The following FRMD4A variants were observed in gnomAD, a reference collection of about 807,000 sequenced individuals.
FRMD4A encodes the protein FERM domain containing 4A.
In FRMD4A, 29 loss-of-function variants were observed where a neutral mutation model predicts 129.1. The ratio of observed to expected loss-of-function variants is 0.22; its 90% confidence interval spans 0.17 to 0.31. FRMD4A has a LOEUF of 0.31. FRMD4A is among the 10% of genes least tolerant of loss of function. The pLI is 1.00. For missense variants in FRMD4A, 1,272 were observed against 1,375.8 expected, an observed-to-expected ratio of 0.92 and a Z score of 1.19; for synonymous variants, 634 against 571.6, an observed-to-expected ratio of 1.11 and a Z score of -1.56.
chr10:13,946,228 T>C (rs770308288), intron 2 of FRMD4A, among the ~76,000 whole-genome samples: 1 of 152,218 alleles, frequency 6.6e-6, no homozygotes, highest in Non-Finnish European at 1.5e-5. Context: ...TGAACTCTGC[T>C]GGACTCTTTA....
chr10:13,737,503 A>G (rs2090707798), intron 12 of FRMD4A, among the ~76,000 whole-genome samples: 1 of 152,288 alleles, frequency 6.6e-6, no homozygotes, highest in Non-Finnish European at 1.5e-5. Flanking sequence ...GAGAAATGTT[A>G]CATCATTTTT....
chr10:13,955,130 C>T (rs113505237), intron 2 of FRMD4A, among the ~76,000 whole-genome samples: 1,664 of 12,572 alleles, frequency 0.13, 54 homozygotes, highest in African/African-American at 0.4. Flanking sequence ...TTTTTTGAGA[C>T]GGAGTATCAC....
chr10:14,326,444 T>C lies in FRMD4A; in HGVS notation c.45+3614A>G, dbSNP rs1448187442. On this transcript the variant is annotated intron_variant, in intron 2 of 24. Transcript: ENST00000357447. ...TTCACTTATGTGACCATTGACAGTT[T>C]CCCAAATTCTAATTATCAGATTTTT... 3 of 156,040 alleles carry C rather than the reference T, an allele frequency of 1.9e-5. No individual in the cohort carries two copies. The Admixed American group carries it at 2.0e-4, about 10-fold the overall frequency. The allele number at this position is 156,040 out of a possible 1,614,324, so 9.7% of individuals were successfully genotyped here.
chr10:13,702,135 G>C (rs1056781952), intron 13 of FRMD4A, among the ~76,000 whole-genome samples: 5 of 152,122 alleles, frequency 3.3e-5, no homozygotes, highest in Non-Finnish European at 2.9e-5. Flanking sequence ...GTGCTGGCAA[G>C]ATCTCAGCTC....
Position 13,796,605 on chromosome 10 carries a change from C to T in FRMD4A, c.207-17G>A, listed in dbSNP as rs757314109. On this transcript the variant is annotated splice_polypyrimidine_tract_variant and intron_variant, in intron 4 of 24. Coordinates refer to ENST00000357447, the MANE Select transcript of FRMD4A (RefSeq NM_018027.5). ...AAGTGTCCCCTGAAGAAAATAGAGACAAATTGGTTAGGGGTTTGCATTTTG... is the reference window on the plus strand; with the variant it reads ...AAGTGTCCCCTGAAGAAAATAGAGATAAATTGGTTAGGGGTTTGCATTTTG... The T allele has an allele frequency of 2.2e-6, 3 of 1,358,584 alleles. No homozygotes were observed. Among genetic ancestry groups the T allele is most frequent in the African/African-American group, 1.4e-5 (1 of 70,848 alleles). 84.2% of individuals were successfully genotyped at this position (1,358,584 alleles called of 1,614,324 possible).
chr10:13,936,579 G>T (rs971068524), intron 2 of FRMD4A, among the ~76,000 whole-genome samples: 4 of 152,158 alleles, frequency 2.6e-5, no homozygotes, highest in Admixed American at 2.0e-4. Flanking sequence ...GCCATGTGAG[G>T]ACACAAAGAG....
intron 2 of FRMD4A, among the ~76,000 whole-genome samples, chr10:13,947,503 A>T (rs139208457): frequency 7.6e-4 from 116 of 152,226 alleles, no homozygotes; most frequent in Admixed American, 2.8e-3. Context: ...GACCAAACCA[A>T]GATCTGTGGT....
intron 14 of FRMD4A, 88 bp downstream of exon 14, chr10:13,701,252 T>C (rs1388987179): frequency 6.4e-6 from 8 of 1,259,160 alleles, no homozygotes; most frequent in Non-Finnish European, 9.1e-6. Flanking sequence ...GCAAGGGACA[T>C]GGCGCCTCCC....
At chr10:13,761,228 G>GT (rs1363024606) in intron 8 of FRMD4A, among the ~76,000 whole-genome samples, 1 of 152,198 alleles carries the variant, frequency 6.6e-6, no homozygotes, top group African/African-American at 2.4e-5. Flanking sequence ...CTGTAAGAAA[G>GT]TATTTTGTCC....
intron 2 of FRMD4A, among the ~76,000 whole-genome samples, chr10:14,069,781 A>G (rs1588905572): frequency 1.3e-5 from 2 of 152,146 alleles, no homozygotes; most frequent in East Asian, 3.9e-4. Context: ...GCAAAATCTA[A>G]AAGTTAGTTT....
In FRMD4A at chr10:13,799,544, G is replaced by A. The variant is rs142732411; in HGVS notation, c.207-2956C>T. Among the ~76,000 whole-genome samples, 928 of 152,318 alleles carry A rather than the reference G, an allele frequency of 6.1e-3. 15 individuals are homozygous for A. Among genetic ancestry groups the A allele is most frequent in the East Asian group, 0.011 (56 of 5,180 alleles). On this transcript the variant is annotated intron_variant, in intron 4 of 24. Transcript: ENST00000357447. ...ATGTCTGGTCAACTGGAAGGTGTCAGACAAATTATCTTAAGCTGCAACCAC... is the reference window on the plus strand; with the variant it reads ...ATGTCTGGTCAACTGGAAGGTGTCAAACAAATTATCTTAAGCTGCAACCAC...
intron 2 of FRMD4A, among the ~76,000 whole-genome samples, chr10:14,129,063 C>A (rs1839086211): frequency 6.6e-6 from 1 of 151,688 alleles, no homozygotes; most frequent in South Asian, 2.1e-4. Flanking sequence ...CAGGTGTGGC[C>A]CCCCCAATAC....
rs2134781607 is a variant in FRMD4A at position 13,685,395 on chromosome 10, T to C, written c.1117+8503A>G. ...TGGAAAAAAATAACTGAACATTCATTTTAAAAAATTAGCAGCATCCAGTAA... is the reference window on the plus strand; with the variant it reads ...TGGAAAAAAATAACTGAACATTCATCTTAAAAAATTAGCAGCATCCAGTAA... On this transcript the variant is annotated intron_variant, in intron 15 of 24. Coordinates refer to ENST00000357447, the MANE Select transcript of FRMD4A (RefSeq NM_018027.5). The C allele has an allele frequency of 3.0e-6, 3 of 985,100 alleles. No individual in the cohort carries two copies. In the Middle Eastern group the frequency reaches 1.6e-3, roughly 515 times the overall value. The allele number at this position is 985,100 out of a possible 1,614,324, so 61.0% of individuals were successfully genotyped here.
intron 12 of FRMD4A, chr10:13,728,065 T>C (rs6602676): frequency 0.45 from 68,655 of 152,076 alleles, 15,608 homozygotes; most frequent in Admixed American, 0.47. Context: ...GTGAATGAAC[T>C]TCCAGGCAGG....
chr10:13,835,831 A>G (rs2093864257), intron 3 of FRMD4A, among the ~76,000 whole-genome samples: 1 of 152,166 alleles, frequency 6.6e-6, no homozygotes, highest in Non-Finnish European at 1.5e-5. Flanking sequence ...ATCATCCCCA[A>G]ACCATCCCCC....
At chr10:13,705,988 C>T (rs1190818783) in intron 13 of FRMD4A, among the ~76,000 whole-genome samples, 1 of 152,166 alleles carries the variant, frequency 6.6e-6, no homozygotes, top group Non-Finnish European at 1.5e-5. Flanking sequence ...CTGCACAGGT[C>T]CAAGCCCTCT....
At chr10:14,178,216 C>A (rs10796170) in intron 2 of FRMD4A, among the ~76,000 whole-genome samples, 1 of 152,084 alleles carries the variant, frequency 6.6e-6, no homozygotes, top group Non-Finnish European at 1.5e-5. Flanking sequence ...ATAAGACATA[C>A]AAAGACTTAA....
At chr10:14,031,363 G>A (rs1833236639) in intron 2 of FRMD4A, among the ~76,000 whole-genome samples, 1 of 151,964 alleles carries the variant, frequency 6.6e-6, no homozygotes, top group Admixed American at 6.6e-5. Context: ...CGCCTCCCGG[G>A]TTCAAGTGAT....
chr10:13,840,318 G>GA (rs2093942868), intron 3 of FRMD4A, among the ~76,000 whole-genome samples: 1 of 152,192 alleles, frequency 6.6e-6, no homozygotes, highest in Non-Finnish European at 1.5e-5. Flanking sequence ...GACACAGGGA[G>GA]AAGGCGGATG....
Sources: gnomAD v4.1 joint callset for allele counts (sites outside exome capture counted in the v4.1 genomes callset) on GRCh38, gnomAD v4.1.1 for gene constraint, MANE v1.5 for transcripts, NCBI Gene and HGNC (gene_info 2026-07-23, HGNC 2026-07-21) for gene names.